CHCHD3: variants seen among roughly 807,000 people sequenced by gnomAD.
The protein encoded by CHCHD3 is coiled-coil-helix-coiled-coil-helix domain containing 3, also known as MICOS complex subunit MIC19.
Under a neutral mutation model 38.2 loss-of-function variants are expected in CHCHD3, and 20 were observed. That is an observed-to-expected ratio of 0.52 (90% CI 0.37 to 0.76). The LOEUF is 0.76. Among genes scored for constraint, CHCHD3 ranks in the 30% least tolerant of loss-of-function variants. CHCHD3 has a pLI of 0.00. For synonymous variants in CHCHD3, 82 were observed against 100.0 expected (o/e 0.82, Z 1.07); for missense variants, 245 against 279.2 (o/e 0.88, Z 0.87).
intron 2 of CHCHD3, among the ~76,000 whole-genome samples, chr7:133,053,475 C>A (rs1264706923): frequency 6.6e-6 from 1 of 152,192 alleles, no homozygotes; most frequent in African/African-American, 2.4e-5. Flanking sequence ...CTGAGCAACA[C>A]TCTGCTAGTC....
At chr7:132,864,892 AAC>A (rs1808580562) in intron 5 of CHCHD3, among the ~76,000 whole-genome samples, 1 of 152,220 alleles carries the variant, frequency 6.6e-6, no homozygotes, top group South Asian at 2.1e-4. Flanking sequence ...TATCCTGCAT[AAC>A]ATCCTTCCCA....
intron 3 of CHCHD3, among the ~76,000 whole-genome samples, chr7:132,992,254 T>C (rs1261826775): frequency 6.6e-6 from 1 of 152,204 alleles, no homozygotes; most frequent in African/African-American, 2.4e-5. Context: ...TAAGTCTGCT[T>C]GCAAAATCAG....
In CHCHD3 at chr7:132,930,101, A is replaced by G. The variant is rs145252096; in HGVS notation, c.370-44356T>C. On this transcript the variant is annotated intron_variant, in intron 4 of 7. Transcript: ENST00000262570. ...GAAATGTGATTCTTATCAGTCTTCAAGCCGGAGTAAGCTTTATGGTGTTGC... is the reference window on the plus strand; with the variant it reads ...GAAATGTGATTCTTATCAGTCTTCAGGCCGGAGTAAGCTTTATGGTGTTGC... Among the ~76,000 whole-genome samples the G allele has an allele frequency of 6.8e-3, 1,038 of 152,176 alleles. 25 individuals are homozygous for G. The highest frequency in any genetic ancestry group is 4.8e-3 in the Non-Finnish European group (326 of 68,016).
intron 5 of CHCHD3, among the ~76,000 whole-genome samples, chr7:132,840,935 C>T (rs935837067): frequency 3.3e-5 from 5 of 151,940 alleles, no homozygotes; most frequent in Non-Finnish European, 1.5e-5. Flanking sequence ...CACACGCAAT[C>T]ACACACAAAA....
At position 132,991,696 on chromosome 7, in the gene CHCHD3, A is replaced by G. The variant is rs114371138; in HGVS notation, c.252-16410T>C. 2.3e-3 allele frequency among the ~76,000 whole-genome samples: 352 copies of G among 151,992 alleles called. 2 individuals carry two copies. The highest frequency in any genetic ancestry group is 7.9e-3 in the African/African-American group (326 of 41,474). Reference sequence around the variant, plus strand: ...GTTTGAATGCTTTGACTTTCCCCCAACCCAATTCTGAGCTAAGAGTTCAGT... The same window carrying G: ...GTTTGAATGCTTTGACTTTCCCCCAGCCCAATTCTGAGCTAAGAGTTCAGT... On this transcript the variant is annotated intron_variant, in intron 3 of 7. Transcript: ENST00000262570.
intron 4 of CHCHD3, among the ~76,000 whole-genome samples, chr7:132,943,066 T>A (rs1015809166): frequency 6.6e-6 from 1 of 152,154 alleles, no homozygotes; most frequent in Non-Finnish European, 1.5e-5. Context: ...AACTTAAGCA[T>A]ACTCTAAGAA....
chr7:132,964,305 G>A (rs558609061), intron 4 of CHCHD3, among the ~76,000 whole-genome samples: 9 of 152,100 alleles, frequency 5.9e-5, no homozygotes, highest in South Asian at 2.1e-4. Flanking sequence ...AGAGTAGGCC[G>A]GGCACAGTGG....
Position 133,058,793 on chromosome 7 carries a change from G to A in CHCHD3, c.169+11349C>T, listed in dbSNP as rs142981639. 1.2e-4 allele frequency among the ~76,000 whole-genome samples: 18 copies of A among 152,342 alleles called. No homozygotes were observed. The East Asian group carries it at 2.9e-3, about 25-fold the overall frequency. On this transcript the variant is annotated intron_variant, in intron 2 of 7. Coordinates refer to ENST00000262570, the MANE Select transcript of CHCHD3 (RefSeq NM_017812.4). Reference sequence around the variant, plus strand: ...ATCATTATACGCATTCCCTGTGACTGTAGCACACGGTGATGAGGTGAAAAG... The same window carrying A: ...ATCATTATACGCATTCCCTGTGACTATAGCACACGGTGATGAGGTGAAAAG...
intron 6 of CHCHD3, among the ~76,000 whole-genome samples, chr7:132,804,000 C>G (rs967595311): frequency 2.0e-5 from 3 of 151,804 alleles, no homozygotes; most frequent in Non-Finnish European, 4.4e-5. Flanking sequence ...AGGGGTGGTA[C>G]TGCCTTTATC....
At chr7:133,000,551 T>C (rs925492925) in intron 3 of CHCHD3, among the ~76,000 whole-genome samples, 2 of 151,912 alleles carry the variant, frequency 1.3e-5, no homozygotes, top group Non-Finnish European at 2.9e-5. Context: ...TGAGATAGGG[T>C]ACTGGGATTT....
intron 2 of CHCHD3, among the ~76,000 whole-genome samples, chr7:133,028,333 G>A (rs1777319503): frequency 6.6e-6 from 1 of 152,146 alleles, no homozygotes; most frequent in Non-Finnish European, 1.5e-5. Context: ...GAGTAACTAT[G>A]ATGCACTGGG....
At chr7:132,985,101 C>G (rs1417596852) in intron 3 of CHCHD3, among the ~76,000 whole-genome samples, 2 of 94,200 alleles carry the variant, frequency 2.1e-5, no homozygotes, top group African/African-American at 8.0e-5. Flanking sequence ...TCCGGCCAGC[C>G]GCCCCATCCG....
chr7:132,923,287 G>A (rs2117241866), intron 4 of CHCHD3, among the ~76,000 whole-genome samples: 1 of 152,192 alleles, frequency 6.6e-6, no homozygotes, highest in East Asian at 1.9e-4. Context: ...ATTTCATTTG[G>A]TTTTAAATGT....
chr7:132,794,111 C>T (rs1030289058), intron 7 of CHCHD3, among the ~76,000 whole-genome samples: 2 of 152,212 alleles, frequency 1.3e-5, no homozygotes, highest in African/African-American at 2.4e-5. Context: ...TCAACCCACT[C>T]CCCATGTGTG....
intron 2 of CHCHD3, among the ~76,000 whole-genome samples, chr7:133,045,172 T>A (rs17337790): frequency 0.23 from 35,289 of 152,098 alleles, 4,250 homozygotes; most frequent in South Asian, 0.29. Flanking sequence ...AGTGAATGCC[T>A]CCCATTTAAT....
chr7:133,079,391 G>C (rs1308889341), intron 1 of CHCHD3, among the ~76,000 whole-genome samples: 2 of 152,218 alleles, frequency 1.3e-5, no homozygotes, highest in Admixed American at 6.5e-5. Flanking sequence ...GTGAGAGGCA[G>C]AGATAGAATC....
chr7:132,911,672 C>G (rs1174053930), intron 4 of CHCHD3, among the ~76,000 whole-genome samples: 2 of 152,210 alleles, frequency 1.3e-5, no homozygotes, highest in Admixed American at 1.3e-4. Flanking sequence ...CCAGACAAAC[C>G]TTTGCTCTGC....
chr7:132,884,115 T>G (rs1199018800), intron 5 of CHCHD3, among the ~76,000 whole-genome samples: 1 of 152,134 alleles, frequency 6.6e-6, no homozygotes, highest in African/African-American at 2.4e-5. Context: ...TCTCTGTTGC[T>G]TCAACTCTTG....
At position 132,838,489 on chromosome 7, in the gene CHCHD3, G is replaced by T. The variant is rs775912342; in HGVS notation, c.454-20C>A. 4.5e-6 allele frequency: 7 copies of T among 1,570,778 alleles called. No homozygotes were observed. In the South Asian group the frequency reaches 6.8e-5, roughly 15 times the overall value. On this transcript the variant is annotated intron_variant, in intron 5 of 7. Coordinates refer to ENST00000262570, the MANE Select transcript of CHCHD3 (RefSeq NM_017812.4). ...TGAGCTCTGTGGACAAAGATTGATA[G>T]CAAAGGTTTCACTATCCAAGATGAC...
Sources: gnomAD v4.1 joint callset for allele counts (sites outside exome capture counted in the v4.1 genomes callset) on GRCh38, gnomAD v4.1.1 for gene constraint, MANE v1.5 for transcripts, NCBI Gene and HGNC (gene_info 2026-07-23, HGNC 2026-07-21) for gene names.